Variants in PCDHGA3 observed in about 807,000 individuals in gnomAD.
PCDHGA3 encodes protocadherin gamma subfamily A, 3.
Under a neutral mutation model 58.5 loss-of-function variants are expected in PCDHGA3, and 40 were observed. The observed-to-expected ratio is 0.68, with a 90% CI of 0.53 to 0.89. The LOEUF (loss-of-function observed/expected upper bound fraction) is 0.89. Among genes scored for constraint, PCDHGA3 ranks in the 40% least tolerant of loss-of-function variants. The pLI is 0.00. For synonymous variants in PCDHGA3, 530 were observed against 525.7 expected (o/e 1.01, Z -0.11); for missense variants, 1,223 against 1,195.9 (o/e 1.02, Z -0.33).
Position 141,439,149 on chromosome 5 carries a change from C to T in PCDHGA3, c.2425-55658C>T, listed in dbSNP as rs543388568. Reference sequence around the variant, plus strand: ...CAGAGGTTGCAGTGAGCTGAGATCACGCCACTGCACTCCAGCCTGGGCGAC... The same window carrying T: ...CAGAGGTTGCAGTGAGCTGAGATCATGCCACTGCACTCCAGCCTGGGCGAC... On this transcript the variant is annotated intron_variant, in intron 1 of 3. Transcript: ENST00000253812. Among the ~76,000 whole-genome samples, 165 of 150,018 alleles carry T rather than the reference C, an allele frequency of 1.1e-3. 1 individual carries two copies. In the Middle Eastern group the frequency reaches 0.017, roughly 16 times the overall value.
Position 141,491,244 on chromosome 5 carries a change from T to A in PCDHGA3, c.2425-3563T>A. 1 of 1,614,210 alleles carries A rather than the reference T, an allele frequency of 6.2e-7. No individual in the cohort carries two copies. Among genetic ancestry groups the A allele is most frequent in the Non-Finnish European group, 8.5e-7 (1 of 1,180,024 alleles). On this transcript the variant is annotated intron_variant, in intron 1 of 3. Coordinates refer to ENST00000253812, the MANE Select transcript of PCDHGA3 (RefSeq NM_018916.4). This position sits in a 1 kb window ranked among gnomAD's most constrained non-coding sequence, Gnocchi z 6.9. ...CCACAGTGCTGCTGGTTCTGGAGGA[T>A]GAGGACCCTGAGGAAATGCCCAAAT...
At chr5:141,416,119 T>G (rs930613185) in intron 1 of PCDHGA3, 1 of 155,364 alleles carries the variant, frequency 6.4e-6, no homozygotes, top group Admixed American at 6.5e-5. Flanking sequence ...AACTACATTT[T>G]ATATATTTTT....
chr5:141,361,128 C>T, intron 1 of PCDHGA3: 1 of 1,613,960 alleles, frequency 6.2e-7, no homozygotes, highest in African/African-American at 1.3e-5. Context: ...CAGCCCACTG[C>T]AGTATCCAAG....
chr5:141,378,324 A>G (rs1774802625), intron 1 of PCDHGA3: 1 of 152,258 alleles, frequency 6.6e-6, no homozygotes, highest in African/African-American at 2.4e-5. Flanking sequence ...GGAGTTCGAG[A>G]CCAGCCTGAC....
chr5:141,382,945 C>A, intron 1 of PCDHGA3: 1 of 1,597,008 alleles, frequency 6.3e-7, no homozygotes, highest in Non-Finnish European at 8.6e-7. Flanking sequence ...ATTCTTCCTG[C>A]TCTCCATCCT....
intron 3 of PCDHGA3, 57 bp from the exon 4 acceptor site, chr5:141,510,890 A>G (rs1434557860): frequency 1.2e-5 from 20 of 1,612,748 alleles, no homozygotes; most frequent in South Asian, 3.3e-5. Context: ...GATATAAGAC[A>G]GTGACTGTTG....
chr5:141,393,121 T>A, intron 1 of PCDHGA3: 1 of 1,613,428 alleles, frequency 6.2e-7, no homozygotes, highest in African/African-American at 1.3e-5. Context: ...CCGCGGTGTC[T>A]GATAAATATT....
intron 1 of PCDHGA3, chr5:141,361,654 G>T (rs779307225): frequency 1.2e-6 from 2 of 1,613,664 alleles, no homozygotes; most frequent in African/African-American, 1.3e-5. Context: ...CTACGTGTCC[G>T]TGAGCGCGCA....
At position 141,431,359 on chromosome 5, in the gene PCDHGA3, G is replaced by C; in HGVS notation, c.2425-63448G>C. ...CCGAATTGGTGCTGAAACGCGCCCT[G>C]GACCGCGAAGAAAAGGCTGCTCACC... On this transcript the variant is annotated intron_variant, in intron 1 of 3. Coordinates refer to ENST00000253812, the MANE Select transcript of PCDHGA3 (RefSeq NM_018916.4). This position sits in a 1 kb window ranked among gnomAD's most constrained non-coding sequence, Gnocchi z 4.8. The C allele has an allele frequency of 6.2e-7, 1 of 1,614,024 alleles. No homozygotes were observed. Among genetic ancestry groups the C allele is most frequent in the Non-Finnish European group, 8.5e-7 (1 of 1,180,030 alleles).
In PCDHGA3 at chr5:141,372,665, C is replaced by T. The variant is rs570619495; in HGVS notation, c.2424+26208C>T. 2.5e-6 allele frequency: 4 copies of T among 1,613,990 alleles called. No homozygotes were observed. In the African/African-American group the frequency reaches 4.0e-5, roughly 16 times the overall value. ...CTTATTCCTACAATCCGTGTGCTGC[C>T]TCACATTCCTCAAACACCGAGTTTA... On this transcript the variant is annotated intron_variant, in intron 1 of 3. Transcript: ENST00000253812.
At chr5:141,421,754 A>G (rs1230343518) in intron 1 of PCDHGA3, 4 of 1,613,918 alleles carry the variant, frequency 2.5e-6, no homozygotes, top group East Asian at 2.2e-5. Context: ...CTCAGCCCTA[A>G]TAATTACTTT....
At chr5:141,401,278 G>A (rs1355696847) in intron 1 of PCDHGA3, among the ~76,000 whole-genome samples, 4 of 152,160 alleles carry the variant, frequency 2.6e-5, no homozygotes, top group African/African-American at 9.7e-5. Context: ...GCAGGTGGAG[G>A]TTGCGGTGAG....
At chr5:141,450,727 T>G (rs1592137328) in intron 1 of PCDHGA3, among the ~76,000 whole-genome samples, 1 of 152,080 alleles carries the variant, frequency 6.6e-6, no homozygotes, top group Non-Finnish European at 1.5e-5. Flanking sequence ...CCTCAGGTGA[T>G]CCGCCCGCCT....
In PCDHGA3 at chr5:141,355,387, G is replaced by C. The variant is rs772142842; in HGVS notation, c.2424+8930G>C. On this transcript the variant is annotated intron_variant, in intron 1 of 3. Transcript: ENST00000253812. The stretch of plus-strand genomic sequence containing the variant: ...GGCGCCCCGGGAGCTGGCGGAGCGC[G>C]GAGTCCGCATCGTCTCCAGAGGTAG... 1.1e-5 allele frequency: 18 copies of C among 1,613,946 alleles called. No homozygotes were observed. Among genetic ancestry groups the C allele is most frequent in the Admixed American group, 6.7e-5 (4 of 60,014 alleles).
intron 1 of PCDHGA3, chr5:141,405,323 T>C (rs1420760439): frequency 6.2e-7 from 1 of 1,614,220 alleles, no homozygotes; most frequent in Non-Finnish European, 8.5e-7. Context: ...AAATGAGCCT[T>C]TGTGCGTCTC....
chr5:141,366,006 C>A lies in PCDHGA3; in HGVS notation c.2424+19549C>A, dbSNP rs760966863. The A allele has an allele frequency of 4.3e-6, 7 of 1,614,122 alleles. No homozygotes were observed. The highest frequency in any genetic ancestry group is 5.9e-6 in the Non-Finnish European group (7 of 1,180,046). On this transcript the variant is annotated intron_variant, in intron 1 of 3. Transcript: ENST00000253812. Reference sequence around the variant, plus strand: ...TTTGTGCTGGACCAGAACGACAATACGCCTGAGATCCTGTACCCCGCCCTC... The same window carrying A: ...TTTGTGCTGGACCAGAACGACAATAAGCCTGAGATCCTGTACCCCGCCCTC...
chr5:141,473,079 A>G (rs1389177835), intron 1 of PCDHGA3, among the ~76,000 whole-genome samples: 2 of 152,086 alleles, frequency 1.3e-5, no homozygotes, highest in African/African-American at 4.8e-5. Flanking sequence ...ATCTTTGTTT[A>G]TTATCCACTG....
chr5:141,403,256 T>G, intron 1 of PCDHGA3: 3 of 1,613,854 alleles, frequency 1.9e-6, no homozygotes, highest in Non-Finnish European at 2.5e-6. Flanking sequence ...GAGCCCGCGG[T>G]GTCTGGTGAA....
At chr5:141,361,833 G>T (rs376471858) in intron 1 of PCDHGA3, 4 of 1,612,898 alleles carry the variant, frequency 2.5e-6, no homozygotes, top group Non-Finnish European at 3.4e-6. Context: ...TGTACCCCGC[G>T]CTGGGGCCTG....
Sources: allele counts gnomAD v4.1 joint callset (sites outside exome capture counted in the v4.1 genomes callset), GRCh38; gene constraint gnomAD v4.1.1; non-coding constraint Gnocchi (gnomAD v3.1); transcripts MANE v1.5; gene names NCBI Gene and HGNC (gene_info 2026-07-23, HGNC 2026-07-21).